The following MAF variants were observed in gnomAD, a reference collection of about 807,000 sequenced individuals.
MAF encodes the protein MAF bZIP transcription factor.
A neutral mutation model predicts 22.0 loss-of-function variants in MAF; 10 were observed. That is an observed-to-expected ratio of 0.45 (90% confidence interval 0.28 to 0.77). The LOEUF is 0.77. Ranked by LOEUF, MAF falls within the 30% of genes least tolerant of loss-of-function variation. The probability of loss-of-function intolerance (pLI) is 0.12; values close to 1 mark genes in which losing one functional copy is unlikely to be tolerated. For missense variants in MAF, 544 were observed against 548.4 expected, an observed-to-expected ratio of 0.99 and a Z score of 0.08; for synonymous variants, 337 against 255.8, an observed-to-expected ratio of 1.32 and a Z score of -3.03.
chr16:79,581,605 G>C (rs76838362), downstream of MAF, among the ~76,000 whole-genome samples: 613 of 152,302 alleles, frequency 4.0e-3, 2 homozygotes, highest in Middle Eastern at 0.017. Context: ...CTACCTGCTA[G>C]CAAATGAACT....
At chr16:79,501,939 C>T in the MAF span, among the ~76,000 whole-genome samples, 84 of 152,266 alleles carry the variant, frequency 5.5e-4, no homozygotes, top group African/African-American at 2.0e-3. Context: ...TCTTAACTTG[C>T]TTCTCTTTTT....
chr16:79,539,103 A>C, the MAF span, among the ~76,000 whole-genome samples: 1 of 152,244 alleles, frequency 6.6e-6, no homozygotes, highest in African/African-American at 2.4e-5. Context: ...TGTAAAATGA[A>C]TAATTCTAAT....
chr16:79,304,738 A>G, the MAF span, among the ~76,000 whole-genome samples: 1 of 152,234 alleles, frequency 6.6e-6, no homozygotes, highest in Non-Finnish European at 1.5e-5. Context: ...AAAAAGTGCC[A>G]TTTGTAAGCT....
At chr16:79,333,587 A>C in the MAF span, among the ~76,000 whole-genome samples, 1 of 152,202 alleles carries the variant, frequency 6.6e-6, no homozygotes, top group Non-Finnish European at 1.5e-5. Context: ...AATTCTATTA[A>C]AATTTGATAC....
the MAF span, among the ~76,000 whole-genome samples, chr16:79,463,257 G>C: frequency 6.6e-6 from 1 of 152,198 alleles, no homozygotes; most frequent in Admixed American, 6.5e-5. Context: ...TATGGTAGGA[G>C]TTGGGCTTTC....
chr16:79,429,161 G>C, the MAF span, among the ~76,000 whole-genome samples: 1 of 152,148 alleles, frequency 6.6e-6, no homozygotes, highest in African/African-American at 2.4e-5. Flanking sequence ...CTTGAGGACT[G>C]ACTCAGGAAC....
chr16:79,477,236 C>T, the MAF span, among the ~76,000 whole-genome samples: 1 of 152,168 alleles, frequency 6.6e-6, no homozygotes, highest in African/African-American at 2.4e-5. Context: ...TAATGACCAC[C>T]AGAGCCTCTG....
chr16:79,468,511 G>A, the MAF span, among the ~76,000 whole-genome samples: 796 of 152,322 alleles, frequency 5.2e-3, 4 homozygotes, highest in Middle Eastern at 0.024. Context: ...AATGTATTTT[G>A]GTGTCAGTGA....
At chr16:79,590,969 G>C (rs1284909620), downstream of MAF, among the ~76,000 whole-genome samples, 1 of 152,062 alleles carries the variant, frequency 6.6e-6, no homozygotes, top group East Asian at 1.9e-4. Context: ...TAGAGAACCA[G>C]GGCAACTATA....
the MAF span, among the ~76,000 whole-genome samples, chr16:79,447,349 G>C: frequency 2.7e-5 from 4 of 145,510 alleles, no homozygotes; most frequent in Admixed American, 1.4e-4. Context: ...AAAAAAAAAA[G>C]ATTCCTTTCA....
chr16:79,208,347 A>G, the MAF span, among the ~76,000 whole-genome samples: 3 of 151,362 alleles, frequency 2.0e-5, no homozygotes, highest in Non-Finnish European at 4.4e-5. Context: ...GCAACCATAT[A>G]CAACCTACAG....
chr16:79,205,704 G>A, the MAF span: 2 of 151,672 alleles, frequency 1.3e-5, no homozygotes, highest in Non-Finnish European at 2.9e-5. Flanking sequence ...AATACCTACA[G>A]GAAGTATTTG....
At chr16:79,236,119 A>G in the MAF span, among the ~76,000 whole-genome samples, 1 of 151,998 alleles carries the variant, frequency 6.6e-6, no homozygotes, top group African/African-American at 2.4e-5. Context: ...TTCCACAGCT[A>G]GAAGAATATT....
At chr16:79,335,141 C>T in the MAF span, among the ~76,000 whole-genome samples, 6 of 148,612 alleles carry the variant, frequency 4.0e-5, no homozygotes, top group South Asian at 8.5e-4. Flanking sequence ...TCCAAGATCG[C>T]GCCACTGCAC....
At chr16:79,405,192 G>A in the MAF span, among the ~76,000 whole-genome samples, 1 of 152,200 alleles carries the variant, frequency 6.6e-6, no homozygotes, top group Non-Finnish European at 1.5e-5. Flanking sequence ...CCCCAGGGGA[G>A]AAGGGAATGT....
At chr16:79,374,502 G>T in the MAF span, among the ~76,000 whole-genome samples, 12 of 152,058 alleles carry the variant, frequency 7.9e-5, no homozygotes, top group Non-Finnish European at 1.2e-4. Flanking sequence ...CTTACTTCTT[G>T]CAAGAACCCC....
chr16:79,408,519 G>A, the MAF span, among the ~76,000 whole-genome samples: 902 of 152,236 alleles, frequency 5.9e-3, 13 homozygotes, highest in African/African-American at 0.021. Context: ...CTTTTAATAA[G>A]TTGCTTAAGT....
At chr16:79,477,868 G>C in the MAF span, among the ~76,000 whole-genome samples, 2 of 151,844 alleles carry the variant, frequency 1.3e-5, no homozygotes, top group African/African-American at 4.8e-5. Context: ...GGGACTACAG[G>C]CGCGTGCCAC....
chr16:79,466,875 T>C, the MAF span, among the ~76,000 whole-genome samples: 4 of 152,206 alleles, frequency 2.6e-5, no homozygotes, highest in Non-Finnish European at 4.4e-5. Flanking sequence ...GTGTTCCATA[T>C]GGACACGGAT....
Sources: allele counts gnomAD v4.1 joint callset (sites outside exome capture counted in the v4.1 genomes callset), GRCh38; gene constraint gnomAD v4.1.1; transcripts MANE v1.5; gene names NCBI Gene and HGNC (gene_info 2026-07-23, HGNC 2026-07-21).